Variants in MYO18B observed in about 807,000 individuals in gnomAD.
MYO18B encodes unconventional myosin-XVIIIb.
MYO18B carries 204 observed loss-of-function variants against 273.0 expected under a neutral mutation model. The ratio of observed to expected loss-of-function variants is 0.75; its 90% CI spans 0.67 to 0.84. MYO18B has a LOEUF of 0.84. Among genes scored for constraint, MYO18B ranks in the 40% least tolerant of loss-of-function variants. MYO18B has a pLI of 0.00. For synonymous variants in MYO18B, 1,330 were observed against 1,305.7 expected (o/e 1.02, Z -0.40); for missense variants, 3,212 against 3,287.6 (o/e 0.98, Z 0.56).
intron 39 of MYO18B, among the ~76,000 whole-genome samples, chr22:25,956,603 G>A (rs1487336459): frequency 6.6e-6 from 1 of 151,606 alleles, no homozygotes; most frequent in East Asian, 1.9e-4. Flanking sequence ...TTCTGCACAG[G>A]TCACAGAGCA....
At chr22:25,991,370 G>A (rs2093268723) in intron 39 of MYO18B, among the ~76,000 whole-genome samples, 2 of 152,186 alleles carry the variant, frequency 1.3e-5, no homozygotes, top group Admixed American at 6.5e-5. Context: ...TGCCTTGTAG[G>A]ATGTTGAACA....
rs539570910 is a variant in MYO18B at position 25,822,803 on chromosome 22, C to T, written c.2522-702C>T. 7.9e-5 allele frequency among the ~76,000 whole-genome samples: 12 copies of T among 152,338 alleles called. No homozygotes were observed. In the South Asian group the frequency reaches 1.0e-3, roughly 13 times the overall value. On this transcript the variant is annotated intron_variant, in intron 12 of 43. Transcript: ENST00000335473. Reference sequence around the variant, plus strand: ...TCCGCATGAAGAGGTCGTGATAAATCGAGCAAGCTGGGAAACGTGACTGGG... The same window carrying T: ...TCCGCATGAAGAGGTCGTGATAAATTGAGCAAGCTGGGAAACGTGACTGGG...
intron 8 of MYO18B, among the ~76,000 whole-genome samples, chr22:25,779,000 T>C (rs1330145648): frequency 1.3e-5 from 2 of 152,176 alleles, no homozygotes; most frequent in African/African-American, 2.4e-5. Flanking sequence ...TTTTTCATTA[T>C]TGCACACTCT....
rs774686239 is a variant in MYO18B, at chr22:25,911,061, G to T, written c.5364+11G>T. ...ACCCTCTGTGACCAGGTAAGGGGGAGACATTGGCAGACATTCAGAGGAGTA... is the reference window on the plus strand; with the variant it reads ...ACCCTCTGTGACCAGGTAAGGGGGATACATTGGCAGACATTCAGAGGAGTA... On this transcript the variant is annotated intron_variant, in intron 33 of 43. Transcript: ENST00000335473. 1.9e-6 allele frequency: 3 copies of T among 1,568,608 alleles called. No homozygotes were observed. In the African/African-American group the frequency reaches 4.1e-5, roughly 21 times the overall value.
chr22:25,917,976 A>G lies in MYO18B; in HGVS notation c.5365-3281A>G, dbSNP rs551765916. On this transcript the variant is annotated intron_variant, in intron 33 of 43. Coordinates refer to ENST00000335473, the MANE Select transcript of MYO18B (RefSeq NM_032608.7). ...GAAAGAAGTGAGGCTCGGAAAAGTAAAGTAAAGCAACTTGCCCAGGATTGC... is the reference window on the plus strand; with the variant it reads ...GAAAGAAGTGAGGCTCGGAAAAGTAGAGTAAAGCAACTTGCCCAGGATTGC... 9.2e-5 allele frequency among the ~76,000 whole-genome samples: 14 copies of G among 152,354 alleles called. No individual in the cohort carries two copies. In the South Asian group the frequency reaches 2.7e-3, roughly 29 times the overall value.
chr22:25,758,776 G>A (rs2086208300), intron 1 of MYO18B, among the ~76,000 whole-genome samples: 1 of 149,574 alleles, frequency 6.7e-6, no homozygotes, highest in Admixed American at 6.7e-5. Context: ...TTTTTTTTTG[G>A]AGACAGAGTC....
In MYO18B at chr22:25,780,088, C is replaced by A; in HGVS notation, c.2101C>A (p.Arg701=). The A allele has an allele frequency of 6.3e-7, 1 of 1,597,256 alleles. No individual in the cohort carries two copies. Among genetic ancestry groups the A allele is most frequent in the East Asian group, 2.3e-5 (1 of 44,120 alleles). The change falls in exon 9 of 44, where the codon CGG becomes AGG. Residue 701 remains arginine (R), a synonymous_variant. Transcript: ENST00000335473. The stretch of plus-strand genomic sequence containing the variant: ...GATCCGAGCCACCTTCACTGTCCTC[C>A]GGGCCTTCGGCTCTGTGTCCATGGC... ...EKIRATFTVL[R]AFGSVSMAHS...
chr22:25,926,385 A>G (rs2092421848), intron 34 of MYO18B, among the ~76,000 whole-genome samples: 1 of 151,542 alleles, frequency 6.6e-6, no homozygotes, highest in African/African-American at 2.4e-5. Context: ...CCCAGGTTCA[A>G]GTGATTCTCC....
At chr22:26,045,321 G>C in the MYO18B span, among the ~76,000 whole-genome samples, 2 of 152,208 alleles carry the variant, frequency 1.3e-5, no homozygotes, top group Non-Finnish European at 2.9e-5. Flanking sequence ...TGTCAGCTGG[G>C]TCATCCGAGA....
At chr22:25,941,488 G>C (rs2092643767) in intron 34 of MYO18B, among the ~76,000 whole-genome samples, 1 of 152,188 alleles carries the variant, frequency 6.6e-6, no homozygotes, top group South Asian at 2.1e-4. Context: ...GGCGAGTCTG[G>C]CCAGTGTTGC....
At chr22:25,969,777 C>T (rs1322425715) in intron 39 of MYO18B, among the ~76,000 whole-genome samples, 1 of 152,230 alleles carries the variant, frequency 6.6e-6, no homozygotes, top group African/African-American at 2.4e-5. Context: ...AGTCAAGGCA[C>T]TCACTTTCTC....
At chr22:26,010,053 T>A (rs1487327186) in intron 42 of MYO18B, among the ~76,000 whole-genome samples, 3 of 152,298 alleles carry the variant, frequency 2.0e-5, no homozygotes, top group Non-Finnish European at 2.9e-5. Context: ...CTGTTATTCA[T>A]AAAGCACCAC....
chr22:25,836,242 C>T (rs1240051174), intron 17 of MYO18B, among the ~76,000 whole-genome samples: 2 of 152,190 alleles, frequency 1.3e-5, no homozygotes, highest in East Asian at 3.9e-4. Context: ...TGATGTGGGG[C>T]AAACCTCTCG....
intron 12 of MYO18B, among the ~76,000 whole-genome samples, chr22:25,811,582 T>C (rs1471737346): frequency 1.3e-5 from 2 of 152,238 alleles, no homozygotes; most frequent in Non-Finnish European, 2.9e-5. Context: ...TATTGCTTTT[T>C]ATGCCAGTGG....
chr22:25,996,889 C>T (rs1933310297), intron 40 of MYO18B, among the ~76,000 whole-genome samples: 1 of 152,104 alleles, frequency 6.6e-6, no homozygotes, highest in African/African-American at 2.4e-5. Flanking sequence ...TCCATCGCAT[C>T]TTCCTCTTTC....
intron 39 of MYO18B, among the ~76,000 whole-genome samples, chr22:25,989,742 A>G (rs6004877): frequency 0.52 from 73,786 of 142,362 alleles, 20,349 homozygotes; most frequent in Non-Finnish European, 0.59. Flanking sequence ...AGCTTGCAGT[A>G]AGCCGAGATA....
Position 26,003,277 on chromosome 22 carries a change from A to C in MYO18B, c.6300A>C (p.Ala2100=). ...TGCCTCTTACTAGTGTCCAGACGGC[A>C]GTGGATTGTGGCAGCAGCGGCCGAA... The part of the protein sequence containing the change: ...SDSDTESVQT[A]VDCGSSGRKE... The change falls in exon 41 of 44, where the codon GCA becomes GCC. Residue 2100 remains alanine (A), a synonymous_variant. Coordinates refer to ENST00000335473, the MANE Select transcript of MYO18B (RefSeq NM_032608.7). 1 of 1,609,720 alleles carries C rather than the reference A, an allele frequency of 6.2e-7. No individual in the cohort carries two copies. The highest frequency in any genetic ancestry group is 8.5e-7 in the Non-Finnish European group (1 of 1,178,110).
intron 30 of MYO18B, among the ~76,000 whole-genome samples, 199 bp from the exon 31 acceptor site, chr22:25,903,432 T>G (rs984964576): frequency 8.5e-5 from 13 of 152,142 alleles, no homozygotes; most frequent in African/African-American, 3.1e-4. Context: ...ACTCCATGCC[T>G]GTAGGAGCTA....
At chr22:25,818,215 C>G (rs2089123446) in intron 12 of MYO18B, among the ~76,000 whole-genome samples, 1 of 152,138 alleles carries the variant, frequency 6.6e-6, no homozygotes, top group African/African-American at 2.4e-5. Context: ...ATGGGGAGTT[C>G]CCTTTGAGGA....
Sources: allele counts gnomAD v4.1 joint callset (sites outside exome capture counted in the v4.1 genomes callset), GRCh38; gene constraint gnomAD v4.1.1; transcripts MANE v1.5; gene names NCBI Gene and HGNC (gene_info 2026-07-23, HGNC 2026-07-21).